Variants in GPR173 observed in about 807,000 individuals in gnomAD.
GPR173 encodes G protein-coupled receptor 173, also known as probable G protein-coupled receptor 173.
Under a neutral mutation model 13.9 loss-of-function variants are expected in GPR173, and 2 were observed. That is an observed-to-expected ratio of 0.14 (90% CI 0.06 to 0.45). The LOEUF (loss-of-function observed/expected upper bound fraction) is 0.45. Among genes scored for constraint, GPR173 ranks in the 20% least tolerant of loss-of-function variants. The pLI, the probability that GPR173 is intolerant of heterozygous loss-of-function variation, is 0.98. For missense variants in GPR173, 202 were observed against 340.5 expected, an observed-to-expected ratio of 0.59 and a Z score of 3.20; for synonymous variants, 131 against 141.0, an observed-to-expected ratio of 0.93 and a Z score of 0.50.
chrX:53,058,239 C>G (rs1013769327), intron 1 of GPR173, among the ~76,000 whole-genome samples: 4 of 112,059 alleles, frequency 3.6e-5, no homozygotes, highest in African/African-American at 9.7e-5. Context: ...ACCTGCACTG[C>G]TGGTGTGTCT....
At chrX:53,050,079 A>C (rs1602086571) in intron 1 of GPR173, among the ~76,000 whole-genome samples, 2 of 101,453 alleles carry the variant, frequency 2.0e-5, no homozygotes, top group African/African-American at 3.7e-5. Context: ...CCTTCCTTCC[A>C]CCCTCCCCAC....
intron 1 of GPR173, among the ~76,000 whole-genome samples, chrX:53,063,047 G>A (rs1932150014): frequency 1.8e-5 from 2 of 110,037 alleles, no homozygotes. Flanking sequence ...TGTGGTCTTG[G>A]GACAGCCCCA....
In GPR173 at chrX:53,074,381, T is replaced by G. The variant is rs1203263198; in HGVS notation, c.-97-2144T>G. ...ATTTATATTTATTTATAAATAAATA[T>G]ATAAATATATATAAATATATATTTA... On this transcript the variant is annotated intron_variant, in intron 1 of 1. Coordinates refer to ENST00000332582, the MANE Select transcript of GPR173 (RefSeq NM_018969.6). Among the ~76,000 whole-genome samples the G allele has an allele frequency of 2.4e-4, 15 of 63,143 alleles. 2 individuals carry two copies. In the East Asian group the frequency reaches 4.6e-3, roughly 20 times the overall value. The allele number at this position is 63,143 out of a possible 115,157, so 54.8% of individuals were successfully genotyped here.
At chrX:53,059,314 A>G (rs1264569429) in intron 1 of GPR173, among the ~76,000 whole-genome samples, 1 of 107,553 alleles carries the variant, frequency 9.3e-6, no homozygotes, top group East Asian at 3.0e-4. Flanking sequence ...TGTGTGTGAC[A>G]CAGGGTCTCA....
At chrX:53,056,042 G>A (rs1452557890) in intron 1 of GPR173, among the ~76,000 whole-genome samples, 2 of 109,147 alleles carry the variant, frequency 1.8e-5, no homozygotes, top group African/African-American at 6.7e-5. Context: ...TGTCATTGTG[G>A]GTGTGTCTTA....
At chrX:53,052,530 T>G (rs782177809) in intron 1 of GPR173, among the ~76,000 whole-genome samples, 1 of 110,352 alleles carries the variant, frequency 9.1e-6, no homozygotes, top group Non-Finnish European at 1.9e-5. Context: ...GCTGTGTGTG[T>G]TTCATTGAAC....
At position 53,077,243 on chromosome X, in the gene GPR173, C is replaced by T. The variant is rs1932450049; in HGVS notation, c.622C>T (p.Leu208Phe). 8.4e-7 allele frequency: 1 copy of T among 1,187,365 alleles called. No homozygotes were observed. The highest frequency in any genetic ancestry group is 1.7e-5 in the African/African-American group (1 of 57,304). The stretch of plus-strand genomic sequence containing the variant: ...TACCCATGCTGTCTACGGCAAGCTG[C>T]TCCTCTTCGAGTATCGTCACCGCAA... ...AATHAVYGKL[L>F]LFEYRHRKMK... The change falls in exon 2 of 2, where the codon CTC becomes TTC. Residue 208 changes from leucine (L) to phenylalanine (F), a missense_variant. Leu to Phe is a conservative substitution (Grantham distance 22). This residue lies in a region of GPR173 where 28 missense variants were observed against 87.0 expected (regional missense o/e 0.32). Coordinates refer to ENST00000332582, the MANE Select transcript of GPR173 (RefSeq NM_018969.6).
intron 1 of GPR173, among the ~76,000 whole-genome samples, chrX:53,055,789 GGAT>G (rs1932024889): frequency 9.1e-6 from 1 of 109,907 alleles, no homozygotes; most frequent in Non-Finnish European, 1.9e-5. Flanking sequence ...GGATGAATCT[GGAT>G]GATGATATAT....
intron 1 of GPR173, among the ~76,000 whole-genome samples, chrX:53,060,031 T>TAC (rs1332378324): frequency 1.6e-3 from 165 of 101,201 alleles, no homozygotes; most frequent in Non-Finnish European, 2.7e-3. Flanking sequence ...TATATATATA[T>TAC]ACACACACAC....
intron 1 of GPR173, among the ~76,000 whole-genome samples, chrX:53,066,092 C>G (rs940665574): frequency 9.0e-6 from 1 of 110,648 alleles, no homozygotes; most frequent in Non-Finnish European, 1.9e-5. Context: ...AGAGTGAGAC[C>G]CTGTTTCCAA....
rs1039487183 is a variant in GPR173 at position 53,072,862 on chromosome X, C to T, written c.-97-3663C>T. On this transcript the variant is annotated intron_variant, in intron 1 of 1. Coordinates refer to ENST00000332582, the MANE Select transcript of GPR173 (RefSeq NM_018969.6). ...CCACCAACCCCATTTCTGCTCAGCC[C>T]CTGCCCTAGCACTTTCTAAGTACTA... Among the ~76,000 whole-genome samples, 8 of 111,693 alleles carry T rather than the reference C, an allele frequency of 7.2e-5. No homozygotes were observed. In the East Asian group the frequency reaches 2.3e-3, roughly 31 times the overall value.
chrX:53,072,943 T>C (rs782656867), intron 1 of GPR173, among the ~76,000 whole-genome samples: 1 of 110,821 alleles, frequency 9.0e-6, no homozygotes, highest in South Asian at 3.8e-4. Flanking sequence ...AAAGCCTGGC[T>C]CGGGCGCAGT....
chrX:53,062,871 G>C (rs1291358199), intron 1 of GPR173, among the ~76,000 whole-genome samples: 1 of 111,679 alleles, frequency 9.0e-6, no homozygotes, highest in Non-Finnish European at 1.9e-5. Flanking sequence ...TTGACTCTGC[G>C]TCCTGCATCT....
intron 1 of GPR173, among the ~76,000 whole-genome samples, chrX:53,053,091 G>A (rs782074337): frequency 2.2e-4 from 25 of 112,606 alleles, no homozygotes; most frequent in African/African-American, 8.1e-4. Context: ...GTGATAGTGT[G>A]GGCATGTTTT....
chrX:53,078,053 G>C lies in GPR173; in HGVS notation c.*310G>C. 3.4e-6 allele frequency: 1 copy of C among 290,316 alleles called. No homozygotes were observed. Among genetic ancestry groups the C allele is most frequent in the Non-Finnish European group, 6.3e-6 (1 of 158,914 alleles). The allele number at this position is 290,316 out of a possible 1,213,427, so 23.9% of individuals were successfully genotyped here. On this transcript the variant is annotated 3_prime_UTR_variant, in exon 2 of 2. Coordinates refer to ENST00000332582, the MANE Select transcript of GPR173 (RefSeq NM_018969.6). ...CTCTCTCTCTCTCTCTCTCAGAAGT[G>C]ACAATTCAGAAAAAGAAAAGAACAC...
chrX:53,060,243 G>A (rs1334217055), intron 1 of GPR173, among the ~76,000 whole-genome samples: 4 of 108,179 alleles, frequency 3.7e-5, no homozygotes, highest in African/African-American at 1.3e-4. Flanking sequence ...TCTGCCTCCC[G>A]GGTTCAAGCG....
At chrX:53,052,044 G>A (rs1197268417) in intron 1 of GPR173, among the ~76,000 whole-genome samples, 1 of 111,682 alleles carries the variant, frequency 9.0e-6, no homozygotes, top group Non-Finnish European at 1.9e-5. Flanking sequence ...AGATGTCCGT[G>A]TGTGCATGTT....
chrX:53,076,455 C>T (rs1556805807), intron 1 of GPR173, 70 bp from the exon 2 acceptor site: 1 of 404,131 alleles, frequency 2.5e-6, no homozygotes, highest in East Asian at 3.9e-5. Context: ...CCTCATCTCT[C>T]TGTCTCTCTC....
At chrX:53,049,863 A>G (rs1460056998) in intron 1 of GPR173, among the ~76,000 whole-genome samples, 1 of 110,940 alleles carries the variant, frequency 9.0e-6, no homozygotes, top group African/African-American at 3.3e-5. Context: ...GGGCAGGCTC[A>G]GCCTCTTGCG....
Sources: gnomAD v4.1 joint callset for allele counts (sites outside exome capture counted in the v4.1 genomes callset) on GRCh38, gnomAD v4.1.1 for gene constraint, gnomAD v4.1.1 regional missense constraint, MANE v1.5 for transcripts, NCBI Gene and HGNC (gene_info 2026-07-23, HGNC 2026-07-21) for gene names.